Variants in KLHL29 observed in about 807,000 individuals in gnomAD.
KLHL29 encodes kelch-like protein 29.
In KLHL29, 21 loss-of-function variants were observed where a neutral mutation model predicts 80.4. The ratio of observed to expected loss-of-function variants is 0.26; its 90% CI spans 0.19 to 0.38. The LOEUF (loss-of-function observed/expected upper bound fraction) is 0.38, where lower values mean the gene tolerates loss of function less well. KLHL29 is among the 10% of genes least tolerant of loss of function. KLHL29 has a pLI of 1.00. For synonymous variants in KLHL29, 511 were observed against 526.8 expected (o/e 0.97, Z 0.41); for missense variants, 867 against 1,223.9 (o/e 0.71, Z 4.35).
chr2:23,415,264 C>A (rs1666956515), intron 1 of KLHL29, among the ~76,000 whole-genome samples: 1 of 152,188 alleles, frequency 6.6e-6, no homozygotes, highest in Admixed American at 6.5e-5. Context: ...GGCTTAGCTT[C>A]CACAGCAAGG....
intron 7 of KLHL29, 102 bp downstream of exon 7, chr2:23,691,978 C>T (rs1671641385): frequency 6.2e-6 from 7 of 1,126,112 alleles, no homozygotes; most frequent in Non-Finnish European, 7.6e-6. Flanking sequence ...TGTGTGCACA[C>T]CTGAAGCTCC....
chr2:23,679,986 G>T (rs1328249365), intron 5 of KLHL29, among the ~76,000 whole-genome samples: 1 of 152,230 alleles, frequency 6.6e-6, no homozygotes, highest in East Asian at 1.9e-4. Context: ...GGGAGTGGAG[G>T]AGGAGCGGAG....
intron 1 of KLHL29, among the ~76,000 whole-genome samples, chr2:23,425,198 G>A (rs1054615795): frequency 6.6e-6 from 1 of 151,952 alleles, no homozygotes; most frequent in Non-Finnish European, 1.5e-5. Context: ...TTTACCATAA[G>A]CCATGCAAAA....
chr2:23,632,136 C>A (rs913863444), intron 3 of KLHL29, among the ~76,000 whole-genome samples: 5 of 152,212 alleles, frequency 3.3e-5, no homozygotes, highest in Non-Finnish European at 7.3e-5. Flanking sequence ...CATTGGAGAT[C>A]CCCGTGGTGG....
intron 3 of KLHL29, among the ~76,000 whole-genome samples, chr2:23,600,505 C>A (rs565303414): frequency 3.9e-5 from 6 of 152,338 alleles, no homozygotes. Context: ...GCGTAATGAG[C>A]ACTTCATCTG....
intron 2 of KLHL29, among the ~76,000 whole-genome samples, chr2:23,536,635 C>T (rs183849737): frequency 2.0e-5 from 3 of 152,266 alleles, no homozygotes; most frequent in East Asian, 1.9e-4. Context: ...CCAACCTTTT[C>T]GTTTATAAAA....
At chr2:23,570,532 C>T (rs751731941) in intron 3 of KLHL29, among the ~76,000 whole-genome samples, 1 of 152,250 alleles carries the variant, frequency 6.6e-6, no homozygotes, top group African/African-American at 2.4e-5. Flanking sequence ...TCCTGCCTTC[C>T]TTTGCCCTTA....
At position 23,457,795 on chromosome 2, in the gene KLHL29, C is replaced by T. The variant is rs925683011; in HGVS notation, c.-153-17765C>T. Among the ~76,000 whole-genome samples, 11 of 152,064 alleles carry T rather than the reference C, an allele frequency of 7.2e-5. No individual in the cohort carries two copies. Among genetic ancestry groups the T allele is most frequent in the South Asian group, 2.1e-4 (1 of 4,818 alleles). Reference sequence around the variant, plus strand: ...TTGGGAAGCCAAGGCAGGCAGATCACGAGGTCAGGAGATCGAGACCATCCT... The same window carrying T: ...TTGGGAAGCCAAGGCAGGCAGATCATGAGGTCAGGAGATCGAGACCATCCT... On this transcript the variant is annotated intron_variant, in intron 1 of 13. Transcript: ENST00000486442. The surrounding 1 kb of genome is among the most constrained non-coding windows in gnomAD (Gnocchi z 4.3).
chr2:23,643,843 A>C (rs1669845782), intron 5 of KLHL29: 1 of 152,210 alleles, frequency 6.6e-6, no homozygotes, highest in Admixed American at 6.5e-5. Flanking sequence ...GGGTGTCTAC[A>C]TCTCTTTTGA....
At chr2:23,460,695 T>TCGTGCAAA (rs1313964780) in intron 1 of KLHL29, among the ~76,000 whole-genome samples, 1 of 151,162 alleles carries the variant, frequency 6.6e-6, no homozygotes, top group African/African-American at 2.4e-5. Flanking sequence ...GAAGGGAGCA[T>TCGTGCAAA]CGTGCAAACT....
chr2:23,518,273 T>G (rs1421698884), intron 2 of KLHL29, among the ~76,000 whole-genome samples: 1 of 152,166 alleles, frequency 6.6e-6, no homozygotes, highest in East Asian at 1.9e-4. Context: ...TTAAGCAGTT[T>G]TCACTGTGAC....
At chr2:23,507,760 G>A (rs1217591767) in intron 2 of KLHL29, among the ~76,000 whole-genome samples, 1 of 152,074 alleles carries the variant, frequency 6.6e-6, no homozygotes, top group Admixed American at 6.5e-5. Context: ...CTCTGCCTCT[G>A]TTGTTGCTCT....
chr2:23,670,927 T>A (rs1452576886), intron 5 of KLHL29, among the ~76,000 whole-genome samples: 952 of 5,990 alleles, frequency 0.16, 50 homozygotes, highest in African/African-American at 0.25. Context: ...GCTCTCTCTC[T>A]CTCTCTCTCT....
chr2:23,653,806 A>C (rs1670155150), intron 5 of KLHL29, among the ~76,000 whole-genome samples: 1 of 152,146 alleles, frequency 6.6e-6, no homozygotes, highest in Non-Finnish European at 1.5e-5. Flanking sequence ...GGTCTCTACA[A>C]ATATCAGATG....
At chr2:23,568,949 G>A (rs748806712) in intron 3 of KLHL29, among the ~76,000 whole-genome samples, 3 of 152,192 alleles carry the variant, frequency 2.0e-5, no homozygotes, top group East Asian at 1.9e-4. Flanking sequence ...GGCTAATGAG[G>A]TTTAAAAGAA....
intron 3 of KLHL29, among the ~76,000 whole-genome samples, chr2:23,580,963 C>T (rs1205012031): frequency 6.6e-6 from 1 of 152,152 alleles, no homozygotes; most frequent in Non-Finnish European, 1.5e-5. Context: ...GGTGACACAG[C>T]AAGACTGTGT....
intron 1 of KLHL29, among the ~76,000 whole-genome samples, chr2:23,445,104 G>A (rs1428788886): frequency 6.6e-6 from 1 of 152,114 alleles, no homozygotes; most frequent in Non-Finnish European, 1.5e-5. Flanking sequence ...CCTGCTGTAT[G>A]TCATTTCACT....
intron 5 of KLHL29, among the ~76,000 whole-genome samples, chr2:23,670,546 C>T (rs1670684041): frequency 6.6e-6 from 1 of 152,110 alleles, no homozygotes; most frequent in African/African-American, 2.4e-5. Flanking sequence ...CCTCCTAAGG[C>T]AGACCTGACT....
chr2:23,569,807 G>A (rs1709323), intron 3 of KLHL29, among the ~76,000 whole-genome samples: 127,777 of 152,178 alleles, frequency 0.84, 53,965 homozygotes, highest in East Asian at 1. Flanking sequence ...CAGTTAGCTT[G>A]ATTTCATTGA....
Sources: gnomAD v4.1 joint callset for allele counts (sites outside exome capture counted in the v4.1 genomes callset) on GRCh38, gnomAD v4.1.1 for gene constraint, Gnocchi (gnomAD v3.1) non-coding constraint, MANE v1.5 for transcripts, NCBI Gene and HGNC (gene_info 2026-07-23, HGNC 2026-07-21) for gene names.